Variants in MACF1 observed in about 807,000 individuals in gnomAD.
The protein encoded by MACF1 is microtubule-actin cross-linking factor 1.
MACF1 carries 193 observed loss-of-function variants against 854.8 expected under a neutral mutation model. The observed-to-expected ratio is 0.23, with a 90% CI of 0.20 to 0.25. The LOEUF (loss-of-function observed/expected upper bound fraction) is 0.25. Ranked by LOEUF, MACF1 falls within the 10% of genes least tolerant of loss-of-function variation. MACF1 has a pLI of 1.00. For missense variants in MACF1, 7,722 were observed against 8,929.1 expected, an observed-to-expected ratio of 0.86 and a Z score of 5.45; for synonymous variants, 3,185 against 3,226.7, an observed-to-expected ratio of 0.99 and a Z score of 0.44.
At chr1:39,128,265 C>T (rs955532605) in intron 2 of MACF1, among the ~76,000 whole-genome samples, 1 of 151,928 alleles carries the variant, frequency 6.6e-6, no homozygotes, top group African/African-American at 2.4e-5. Context: ...GGCTAGTGTG[C>T]AGTGGCTGTT....
rs374060078 is a variant in MACF1, at chr1:39,370,074, G to A, written c.12983G>A (p.Arg4328Gln). ...SSCQEQLDEF[R>Q]KLVRTFQKWL... is the part of the protein sequence containing the mutation. ...TGCCAGGAACAGTTGGATGAATTCC[G>A]GAAGCTGGTCAGGACCTTCCAGAAA... Residue 4328 changes from arginine to glutamine, a missense_variant, in exon 51 of 101, where the codon CGG (arginine) becomes CAG (glutamine). This residue lies in a region of MACF1 where 2,807 missense variants were observed against 3,235.8 expected (regional missense o/e 0.87). Coordinates refer to ENST00000564288, the MANE Select transcript of MACF1 (RefSeq NM_001394062.1). 95 of 1,613,760 alleles carry A rather than the reference G, an allele frequency of 5.9e-5. No individual in the cohort carries two copies. The highest frequency in any genetic ancestry group is 5.5e-4 in the South Asian group (50 of 91,010).
At chr1:39,393,861 GAGAGAAAGAA>G (rs1418522601) in intron 58 of MACF1, among the ~76,000 whole-genome samples, 4 of 145,872 alleles carry the variant, frequency 2.7e-5, no homozygotes, top group Non-Finnish European at 5.9e-5. Context: ...GAGAGAGAGA[GAGAGAAAGAA>G]AGAGAGAAAG....
chr1:39,338,258 TTG>T (rs928161526), intron 38 of MACF1, among the ~76,000 whole-genome samples: 10 of 17,896 alleles, frequency 5.6e-4, no homozygotes, highest in Non-Finnish European at 4.2e-3. Flanking sequence ...GTTTTTTGGG[TTG>T]TTTTTTTTTT....
intron 70 of MACF1, among the ~76,000 whole-genome samples, chr1:39,436,832 T>C (rs1332327033): frequency 6.6e-6 from 1 of 152,204 alleles, no homozygotes; most frequent in African/African-American, 2.4e-5. Context: ...AACTTTTCAG[T>C]TGTAGTCATG....
chr1:39,477,996 T>G (rs1024098059), intron 97 of MACF1, among the ~76,000 whole-genome samples: 10 of 135,092 alleles, frequency 7.4e-5, no homozygotes, highest in East Asian at 2.3e-4. Flanking sequence ...TGCTCAGAAG[T>G]GAATTTTTTT....
At chr1:39,405,174 C>T (rs570381982) in intron 58 of MACF1, among the ~76,000 whole-genome samples, 42 of 152,184 alleles carry the variant, frequency 2.8e-4, no homozygotes, top group African/African-American at 9.6e-4. Flanking sequence ...AAGCAAACTT[C>T]GTGTCATGCT....
intron 91 of MACF1, chr1:39,459,711 T>C (rs1425188156): frequency 1.7e-5 from 10 of 592,368 alleles, no homozygotes; most frequent in East Asian, 7.0e-5. Flanking sequence ...GAAGCAACTC[T>C]ATTTTGAAGT....
chr1:39,402,511 G>T lies in MACF1; in HGVS notation c.15816+13853G>T, dbSNP rs114769332. 4.3e-3 allele frequency among the ~76,000 whole-genome samples: 660 copies of T among 152,274 alleles called. 5 individuals carry two copies. The highest frequency in any genetic ancestry group is 0.014 in the African/African-American group (598 of 41,546). The stretch of plus-strand genomic sequence containing the variant: ...AGAAGAGAATCAACGATATAACCTT[G>T]TGAAATTAGTTGCCTCAAGAGGAGA... On this transcript the variant is annotated intron_variant, in intron 58 of 100. Transcript: ENST00000564288.
chr1:39,313,853 A>T (rs1285805127), intron 26 of MACF1, among the ~76,000 whole-genome samples: 2 of 152,056 alleles, frequency 1.3e-5, no homozygotes, highest in African/African-American at 4.8e-5. Flanking sequence ...GGCTTCCAGC[A>T]GTCCTCCTGC....
At chr1:39,346,347 G>A (rs1211110226) in intron 40 of MACF1, among the ~76,000 whole-genome samples, 1 of 151,956 alleles carries the variant, frequency 6.6e-6, no homozygotes, top group Admixed American at 6.6e-5. Context: ...GGGTGACAGA[G>A]CGAAACTCTG....
rs1280615651 is a variant in MACF1, at chr1:39,427,898, A to G, written c.16477-63A>G. The G allele has an allele frequency of 4.0e-6, 5 of 1,263,608 alleles. No homozygotes were observed. The East Asian group carries it at 1.2e-4, about 30-fold the overall frequency. 78.3% of individuals were successfully genotyped at this position (1,263,608 alleles called of 1,614,324 possible). ...TTTGTTGTATCATTTGTTATTCATCATTTTGTGTTTACTTTTCATTTATTT... is the reference window on the plus strand; with the variant it reads ...TTTGTTGTATCATTTGTTATTCATCGTTTTGTGTTTACTTTTCATTTATTT... On this transcript the variant is annotated intron_variant, in intron 62 of 100. Coordinates refer to ENST00000564288, the MANE Select transcript of MACF1 (RefSeq NM_001394062.1).
At chr1:39,085,817 C>G (rs1418202027) in intron 2 of MACF1, among the ~76,000 whole-genome samples, 1 of 152,196 alleles carries the variant, frequency 6.6e-6, no homozygotes, top group East Asian at 1.9e-4. Context: ...GCCACCACCT[C>G]TACCCCCAAT....
intron 86 of MACF1, 78 bp downstream of exon 86, chr1:39,452,428 T>G (rs1165818286): frequency 1.4e-6 from 2 of 1,412,858 alleles, no homozygotes; most frequent in African/African-American, 2.9e-5. Flanking sequence ...TAGAATCTGT[T>G]CCAGTCAGTC....
chr1:39,411,140 C>G, intron 58 of MACF1: 1 of 1,613,734 alleles, frequency 6.2e-7, no homozygotes. Flanking sequence ...CCTCTCTCCC[C>G]TTGCCTGAGT....
chr1:39,105,589 C>T lies in MACF1; in HGVS notation c.220+21151C>T, dbSNP rs1460449087. The stretch of plus-strand genomic sequence containing the variant: ...AGCGCGCGGGCCTGGAACCGGCAGC[C>T]CCCGGGGCTCGGCGAGAAGGCGGTG... On this transcript the variant is annotated intron_variant, in intron 2 of 93. Coordinates refer to the MACF1 transcript ENST00000361689. This position sits in a 1 kb window ranked among gnomAD's most constrained non-coding sequence, Gnocchi z 5.9. 2.5e-6 allele frequency: 3 copies of T among 1,207,808 alleles called. No homozygotes were observed. In the South Asian group the frequency reaches 4.2e-5, roughly 17 times the overall value. 74.8% of individuals were successfully genotyped at this position (1,207,808 alleles called of 1,614,324 possible). A position where few individuals can be genotyped will look rare whatever the true frequency, so the allele number is the denominator to read the frequency against.
chr1:39,152,921 G>A (rs1643613072), intron 2 of MACF1, among the ~76,000 whole-genome samples: 1 of 151,688 alleles, frequency 6.6e-6, no homozygotes, highest in Non-Finnish European at 1.5e-5. Context: ...TGGCAGAACA[G>A]CCCAGGTGAG....
At chr1:39,349,766 G>A (rs1647136431) in intron 42 of MACF1, 139 bp downstream of exon 42, 5 of 883,186 alleles carry the variant, frequency 5.7e-6, no homozygotes, top group Non-Finnish European at 8.3e-6. Context: ...CCCAGGAGCT[G>A]GGACAAAGTC....
intron 5 of MACF1, among the ~76,000 whole-genome samples, chr1:39,257,135 G>T (rs543086343): frequency 6.6e-6 from 1 of 152,238 alleles, no homozygotes; most frequent in Admixed American, 6.5e-5. Context: ...ATTCATAATT[G>T]CCAAAATCTA....
intron 6 of MACF1, among the ~76,000 whole-genome samples, chr1:39,280,411 C>T (rs903336639): frequency 3.9e-5 from 6 of 152,068 alleles, no homozygotes; most frequent in African/African-American, 7.2e-5. Context: ...CTGCTTGACA[C>T]GTCCAGTGGC....
Sources: allele counts gnomAD v4.1 joint callset (sites outside exome capture counted in the v4.1 genomes callset), GRCh38; gene constraint gnomAD v4.1.1; regional missense constraint gnomAD v4.1.1; non-coding constraint Gnocchi (gnomAD v3.1); transcripts MANE v1.5; gene names NCBI Gene and HGNC (gene_info 2026-07-23, HGNC 2026-07-21).